The following CHDH variants were observed in gnomAD, a reference collection of about 807,000 sequenced individuals.
The protein encoded by CHDH is choline dehydrogenase.
CHDH carries 43 observed loss-of-function variants against 56.9 expected under a neutral mutation model. That is an observed-to-expected ratio of 0.76 (90% CI 0.59 to 0.97). CHDH has a LOEUF of 0.97. Among genes scored for constraint, CHDH ranks in the 50% least tolerant of loss-of-function variants. CHDH has a pLI of 0.00. For synonymous variants in CHDH, 364 were observed against 348.5 expected (o/e 1.04, Z -0.50); for missense variants, 816 against 821.1 (o/e 0.99, Z 0.08).
chr3:53,825,626 C>A (rs566715224), intron 2 of CHDH, among the ~76,000 whole-genome samples: 1 of 151,876 alleles, frequency 6.6e-6, no homozygotes, highest in Non-Finnish European at 1.5e-5. Context: ...GAGGGCAAGG[C>A]GGAAAGAAGA....
At position 53,813,252 on chromosome 3, in the gene CHDH, A is replaced by C. The variant is rs2095608678; in HGVS notation, c.*4525T>G. The C allele has an allele frequency of 6.6e-6, 1 of 151,322 alleles. No individual in the cohort carries two copies. Among genetic ancestry groups the C allele is most frequent in the African/African-American group, 2.4e-5 (1 of 41,128 alleles). 9.4% of individuals were successfully genotyped at this position (151,322 alleles called of 1,614,324 possible). A position where few individuals can be genotyped will look rare whatever the true frequency, so the allele number is the denominator to read the frequency against. On this transcript the variant is annotated 3_prime_UTR_variant, in exon 9 of 9. Coordinates refer to ENST00000315251, the MANE Select transcript of CHDH (RefSeq NM_018397.5). ...AAAAACACTTCAAGGTTTGTAAATG[A>C]CTCTTTCCTGACATAAATCCTTTTT...
At chr3:53,829,907 G>A (rs1398071331) in intron 2 of CHDH, among the ~76,000 whole-genome samples, 1 of 152,194 alleles carries the variant, frequency 6.6e-6, no homozygotes, top group Non-Finnish European at 1.5e-5. Context: ...GATGTCATTA[G>A]TCTCAACATT....
Position 53,818,017 on chromosome 3 carries a change from G to A in CHDH, c.1545C>T (p.Thr515=), listed in dbSNP as rs1039940023. 3 of 1,614,204 alleles carry A rather than the reference G, an allele frequency of 1.9e-6. No individual in the cohort carries two copies. Among genetic ancestry groups the A allele is most frequent in the Non-Finnish European group, 2.5e-6 (3 of 1,180,036 alleles). ...KADSAYHPSC[T]CKMGQPSDPT... is the part of the protein sequence containing the mutation. ...GATCGGAGGGCTGGCCCATCTTACA[G>A]GTGCACGAGGGGTGGTAGGCGCTGT... Residue 515 remains threonine, a synonymous_variant, in exon 9 of 9, where the codon ACC becomes ACT. Transcript: ENST00000315251.
At chr3:53,839,301 A>G (rs1324477782) in intron 2 of CHDH, among the ~76,000 whole-genome samples, 1 of 152,260 alleles carries the variant, frequency 6.6e-6, no homozygotes, top group Non-Finnish European at 1.5e-5. Context: ...CAAAGGTCAG[A>G]GCAACTTGCA....
rs577083114 is a variant in CHDH at position 53,817,796 on chromosome 3, G to A, written c.1766C>T (p.Thr589Met). The A allele has an allele frequency of 4.5e-5, 72 of 1,608,886 alleles. No individual in the cohort carries two copies. In the Middle Eastern group the frequency reaches 5.2e-4, roughly 12 times the overall value. The change falls in exon 9 of 9, where the codon ACG becomes ATG. Residue 589 changes from threonine to methionine, a missense_variant. Transcript: ENST00000315251. Reference sequence around the variant, plus strand: ...ACTGTCTTAGCGCTGGGTGGCCAGCGTCCTGGGCTTGTAGACAGGGACATC... The same window carrying A: ...ACTGTCTTAGCGCTGGGTGGCCAGCATCCTGGGCTTGTAGACAGGGACATC... ...DKDVPVYKPR[T>M]LATQR is the part of the protein sequence containing the mutation.
Position 53,832,291 on chromosome 3 carries a change from G to A in CHDH, c.-59-8224C>T, listed in dbSNP as rs1419025138. On this transcript the variant is annotated intron_variant, in intron 2 of 8. Transcript: ENST00000315251. ...TCACGCCTGTAATCCCAGCACTTTG[G>A]GAGGCCAAGGTAGGCGGATCATGAG... is the stretch of plus-strand genomic sequence containing the variant. 2.6e-5 allele frequency among the ~76,000 whole-genome samples: 4 copies of A among 152,320 alleles called. No homozygotes were observed. The South Asian group carries it at 8.3e-4, about 32-fold the overall frequency.
chr3:53,818,647 A>G lies in CHDH; in HGVS notation c.1366+291T>C, dbSNP rs192361754. 6.4e-3 allele frequency among the ~76,000 whole-genome samples: 972 copies of G among 152,314 alleles called. 7 individuals carry two copies. Among genetic ancestry groups the G allele is most frequent in the Non-Finnish European group, 0.011 (741 of 68,022 alleles). Reference sequence around the variant, plus strand: ...TGACAACAGGAAAAATGCTCTACCTACAGACCTGGCACCTGCATGGCGTGG... The same window carrying G: ...TGACAACAGGAAAAATGCTCTACCTGCAGACCTGGCACCTGCATGGCGTGG... On this transcript the variant is annotated intron_variant, in intron 8 of 8. Transcript: ENST00000315251.
chr3:53,840,411 C>G (rs1449513586), intron 2 of CHDH, among the ~76,000 whole-genome samples: 1 of 151,904 alleles, frequency 6.6e-6, no homozygotes, highest in Non-Finnish European at 1.5e-5. Context: ...ACCTGTAGTC[C>G]CAGCTCCTTA....
chr3:53,836,632 C>A (rs1305593230), intron 2 of CHDH, among the ~76,000 whole-genome samples: 1 of 152,246 alleles, frequency 6.6e-6, no homozygotes, highest in Non-Finnish European at 1.5e-5. Context: ...GGCTCCACGC[C>A]CTTGCCTCCC....
chr3:53,819,134 T>C lies in CHDH; in HGVS notation c.1264-94A>G. On this transcript the variant is annotated intron_variant, in intron 7 of 8. Transcript: ENST00000315251. The surrounding 1 kb of genome is among the most constrained non-coding windows in gnomAD (Gnocchi z 5.4). The stretch of plus-strand genomic sequence containing the variant: ...GTTTACCTGTAGGGTGGGCCTCTGC[T>C]TCCAGAATCAGTGGGGAACAGATGC... 4.7e-6 allele frequency: 4 copies of C among 842,310 alleles called. No homozygotes were observed. In the Admixed American group the frequency reaches 6.6e-5, roughly 14 times the overall value. The allele number at this position is 842,310 out of a possible 1,614,324, so 52.2% of individuals were successfully genotyped here. A position where few individuals can be genotyped will look rare whatever the true frequency, so the allele number is the denominator to read the frequency against.
At chr3:53,841,659 A>C (rs987849584) in intron 1 of CHDH, among the ~76,000 whole-genome samples, 1 of 152,238 alleles carries the variant, frequency 6.6e-6, no homozygotes, top group Non-Finnish European at 1.5e-5. Context: ...TGAGTGTTTG[A>C]AAAACTGACT....
intron 2 of CHDH, among the ~76,000 whole-genome samples, chr3:53,835,437 G>A (rs1026366259): frequency 5.9e-5 from 9 of 152,198 alleles, no homozygotes; most frequent in African/African-American, 2.2e-4. Flanking sequence ...ACCTGTCACT[G>A]TGCCCACAGG....
At chr3:53,831,324 C>A (rs1409391640) in intron 2 of CHDH, among the ~76,000 whole-genome samples, 1 of 152,250 alleles carries the variant, frequency 6.6e-6, no homozygotes, top group Non-Finnish European at 1.5e-5. Context: ...TGCCCGGGGC[C>A]TGGGGAAACT....
chr3:53,821,101 G>C (rs2095625488), intron 5 of CHDH, among the ~76,000 whole-genome samples: 1 of 152,242 alleles, frequency 6.6e-6, no homozygotes, highest in Non-Finnish European at 1.5e-5. Flanking sequence ...ACTTCCCCGG[G>C]CCCCTCATGA....
intron 2 of CHDH, among the ~76,000 whole-genome samples, chr3:53,830,101 T>C (rs1698287109): frequency 6.6e-6 from 1 of 151,946 alleles, no homozygotes; most frequent in Non-Finnish European, 1.5e-5. Flanking sequence ...CCTAAATAAA[T>C]ACTACGAATA....
Position 53,819,109 on chromosome 3 carries a change from G to T in CHDH, c.1264-69C>A. On this transcript the variant is annotated intron_variant, in intron 7 of 8. Coordinates refer to ENST00000315251, the MANE Select transcript of CHDH (RefSeq NM_018397.5). The surrounding 1 kb of genome is among the most constrained non-coding windows in gnomAD (Gnocchi z 5.4). The stretch of plus-strand genomic sequence containing the variant: ...TCCACAGTGACCTCTGTCAACCCTG[G>T]TTTACCTGTAGGGTGGGCCTCTGCT... 2.7e-6 allele frequency: 3 copies of T among 1,105,274 alleles called. No homozygotes were observed. The highest frequency in any genetic ancestry group is 1.5e-5 in the African/African-American group (1 of 65,140). 68.5% of individuals were successfully genotyped at this position (1,105,274 alleles called of 1,614,324 possible). A position where few individuals can be genotyped will look rare whatever the true frequency, so the allele number is the denominator to read the frequency against.
rs75548468 is a variant in CHDH at position 53,812,561 on chromosome 3, TTTTG to T, written c.*5212_*5215del. 10,583 of 149,550 alleles carry T rather than the reference TTTTG, an allele frequency of 0.071. 757 individuals carry two copies. The highest frequency in any genetic ancestry group is 0.18 in the African/African-American group (7,392 of 41,028). 9.3% of individuals were successfully genotyped at this position (149,550 alleles called of 1,614,324 possible). A position where few individuals can be genotyped will look rare whatever the true frequency, so the allele number is the denominator to read the frequency against. ...CACCATGGGTTGCAACTGTCTTTGG[TTTTG>T]TTTGTTTGACTTGAACCACCCTCTG... On this transcript the variant is annotated 3_prime_UTR_variant, in exon 9 of 9. Coordinates refer to ENST00000315251, the MANE Select transcript of CHDH (RefSeq NM_018397.5).
chr3:53,844,045 C>T (rs1435607969), intron 1 of CHDH, among the ~76,000 whole-genome samples: 1 of 152,196 alleles, frequency 6.6e-6, no homozygotes, highest in Non-Finnish European at 1.5e-5. Context: ...CCTGTTTGCC[C>T]ACCTCAACCT....
At chr3:53,826,640 A>T (rs1165204212) in intron 2 of CHDH, among the ~76,000 whole-genome samples, 1 of 145,240 alleles carries the variant, frequency 6.9e-6, no homozygotes, top group East Asian at 2.0e-4. Context: ...AAACCCTACA[A>T]CTAACATCAT....
Sources: gnomAD v4.1 joint callset for allele counts (sites outside exome capture counted in the v4.1 genomes callset) on GRCh38, gnomAD v4.1.1 for gene constraint, Gnocchi (gnomAD v3.1) non-coding constraint, MANE v1.5 for transcripts, NCBI Gene and HGNC (gene_info 2026-07-23, HGNC 2026-07-21) for gene names.